The following ARHGEF9 variants were observed in gnomAD, a reference collection of about 807,000 sequenced individuals.
ARHGEF9 encodes the protein Cdc42 guanine nucleotide exchange factor 9, also known as rho guanine nucleotide exchange factor 9.
ARHGEF9 carries 2 observed loss-of-function variants against 41.3 expected under a neutral mutation model. That is an observed-to-expected ratio of 0.05 (90% CI 0.02 to 0.15). The LOEUF (loss-of-function observed/expected upper bound fraction) is 0.15. Ranked by LOEUF, ARHGEF9 falls within the 10% of genes least tolerant of loss-of-function variation. The pLI, the probability that ARHGEF9 is intolerant of heterozygous loss-of-function variation, is 1.00. For missense variants in ARHGEF9, 225 were observed against 424.7 expected (o/e 0.53, Z 4.13); for synonymous variants, 160 against 154.4 (o/e 1.04, Z -0.27).
At chrX:63,644,455 TAAG>T (rs1672202427) in intron 8 of ARHGEF9, among the ~76,000 whole-genome samples, 1 of 110,905 alleles carries the variant, frequency 9.0e-6, no homozygotes, top group African/African-American at 3.3e-5. Flanking sequence ...TATAAAAGTT[TAAG>T]AAGGAGGAAA....
chrX:63,703,359 G>C (rs1556397826), intron 3 of ARHGEF9: 1 of 112,168 alleles, frequency 8.9e-6, no homozygotes, highest in Non-Finnish European at 1.9e-5. Context: ...TGTGGGAGTT[G>C]AGAGAAACTT....
intron 1 of ARHGEF9, chrX:63,767,293 C>A (rs2056128164): frequency 1.6e-6 from 1 of 627,677 alleles, no homozygotes; most frequent in South Asian, 2.2e-5. Context: ...AGTTCCAGAT[C>A]TTGTAGAAAA....
chrX:63,782,626 A>C (rs1259819544), intron 1 of ARHGEF9, among the ~76,000 whole-genome samples: 2 of 112,730 alleles, frequency 1.8e-5, no homozygotes, highest in Non-Finnish European at 3.7e-5. Flanking sequence ...AATGTACTAA[A>C]AAGAAATCTC....
At chrX:63,703,088 C>T (rs2052293521) in intron 3 of ARHGEF9, 1 of 112,306 alleles carries the variant, frequency 8.9e-6, no homozygotes, top group African/African-American at 3.2e-5. Flanking sequence ...TCTGATCCAG[C>T]TAGATGCAGC....
At chrX:63,722,409 TG>T (rs1290026194) in intron 2 of ARHGEF9, among the ~76,000 whole-genome samples, 1 of 107,823 alleles carries the variant, frequency 9.3e-6, no homozygotes, top group Non-Finnish European at 1.9e-5. Context: ...TGTTGTTTTT[TG>T]TTTTTTTTTT....
intron 1 of ARHGEF9, chrX:63,754,436 G>A: frequency 8.6e-7 from 1 of 1,161,303 alleles, no homozygotes; most frequent in Non-Finnish European, 1.1e-6. Flanking sequence ...TGGCTCTCGG[G>A]ATGAAATCAA....
At chrX:63,646,324 T>C (rs1556314338) in intron 8 of ARHGEF9, among the ~76,000 whole-genome samples, 4 of 112,307 alleles carry the variant, frequency 3.6e-5, no homozygotes, top group African/African-American at 1.3e-4. Flanking sequence ...TCCCGAATGA[T>C]ACTGCCTAGG....
chrX:63,683,630 T>C (rs1192922303), intron 4 of ARHGEF9, among the ~76,000 whole-genome samples: 1 of 111,865 alleles, frequency 8.9e-6, no homozygotes, highest in Non-Finnish European at 1.9e-5. Context: ...CAAAACAGTA[T>C]GGTACTAGCA....
intron 4 of ARHGEF9, among the ~76,000 whole-genome samples, chrX:63,688,219 A>T: frequency 9.0e-6 from 1 of 110,899 alleles, no homozygotes. Flanking sequence ...TATTCAAAGT[A>T]CTGAATGAAA....
intron 8 of ARHGEF9, among the ~76,000 whole-genome samples, chrX:63,650,057 A>T (rs1556326781): frequency 8.9e-6 from 1 of 111,810 alleles, no homozygotes; most frequent in East Asian, 2.8e-4. Flanking sequence ...AACAAACCAA[A>T]AACACGTTCT....
intron 1 of ARHGEF9, chrX:63,725,125 T>A (rs2053878027): frequency 1.2e-5 from 2 of 165,450 alleles, no homozygotes; most frequent in South Asian, 1.4e-4. Flanking sequence ...CTCCTCCCCC[T>A]TTCCTCCTCC....
intron 1 of ARHGEF9, among the ~76,000 whole-genome samples, chrX:63,763,750 CAG>C (rs1385382815): frequency 1.8e-5 from 2 of 111,505 alleles, no homozygotes; most frequent in Non-Finnish European, 3.8e-5. Context: ...ATTTACAAAA[CAG>C]GGGTAGGTTT....
intron 4 of ARHGEF9, among the ~76,000 whole-genome samples, chrX:63,695,798 A>G (rs1239563389): frequency 1.8e-5 from 2 of 111,579 alleles, no homozygotes; most frequent in Non-Finnish European, 3.8e-5. Context: ...TCCTTCTGGG[A>G]GTCTGTAATT....
At chrX:63,717,011 T>A (rs1477347130) in intron 2 of ARHGEF9, among the ~76,000 whole-genome samples, 1 of 112,438 alleles carries the variant, frequency 8.9e-6, no homozygotes, top group Admixed American at 9.4e-5. Context: ...ATCGCACACA[T>A]GGCACATGGC....
intron 1 of ARHGEF9, among the ~76,000 whole-genome samples, chrX:63,771,951 A>G (rs782340993): frequency 9.1e-6 from 1 of 110,364 alleles, no homozygotes; most frequent in South Asian, 3.9e-4. Flanking sequence ...TCTGACTGCA[A>G]CTCTTCCCTG....
intron 1 of ARHGEF9, among the ~76,000 whole-genome samples, chrX:63,728,954 G>A (rs1339396481): frequency 9.0e-6 from 1 of 111,695 alleles, no homozygotes; most frequent in African/African-American, 3.3e-5. Flanking sequence ...GTGGAGTTTG[G>A]AGAGGTTAGG....
At chrX:63,761,912 C>A (rs1454134829) in intron 1 of ARHGEF9, among the ~76,000 whole-genome samples, 2 of 111,912 alleles carry the variant, frequency 1.8e-5, no homozygotes, top group African/African-American at 6.5e-5. Flanking sequence ...TGGCTCTACT[C>A]AGGGTAGAGA....
At chrX:63,750,601 T>C (rs782645974) in intron 1 of ARHGEF9, among the ~76,000 whole-genome samples, 1 of 111,721 alleles carries the variant, frequency 9.0e-6, no homozygotes, top group African/African-American at 3.3e-5. Context: ...GGAGGCTGTC[T>C]CAATGGAAGA....
chrX:63,639,526 A>G (rs1360996350), intron 9 of ARHGEF9: 1 of 112,142 alleles, frequency 8.9e-6, no homozygotes, highest in East Asian at 2.8e-4. Flanking sequence ...TATTGACATT[A>G]TAACAGGATA....
Sources: allele counts gnomAD v4.1 joint callset (sites outside exome capture counted in the v4.1 genomes callset), GRCh38; gene constraint gnomAD v4.1.1; transcripts MANE v1.5; gene names NCBI Gene and HGNC (gene_info 2026-07-23, HGNC 2026-07-21).